The following IPO5 variants were observed in gnomAD, a reference collection of about 807,000 sequenced individuals.
IPO5 encodes the protein importin-5.
Under a neutral mutation model 143.3 loss-of-function variants are expected in IPO5, and 18 were observed. The observed-to-expected ratio is 0.13, with a 90% confidence interval of 0.09 to 0.19. The LOEUF is 0.19. IPO5 is among the 10% of genes least tolerant of loss of function. IPO5 has a pLI of 1.00. For synonymous variants in IPO5, 477 were observed against 465.7 expected (o/e 1.02, Z -0.31); for missense variants, 1,013 against 1,336.9 (o/e 0.76, Z 3.78).
intron 6 of IPO5, 92 bp downstream of exon 6, chr13:97,985,705 A>G: frequency 2.4e-6 from 2 of 841,078 alleles, no homozygotes; most frequent in Non-Finnish European, 3.9e-6. Context: ...TAAGATTCAT[A>G]AGTACCTGAG....
rs755155237 is a variant in IPO5 at position 97,989,045 on chromosome 13, G to A, written c.365-17G>A. On this transcript the variant is annotated splice_polypyrimidine_tract_variant and intron_variant, in intron 6 of 28. Transcript: ENST00000651721. ...TCTGACTTACACAACTTTATGTCTGGATTTCTTTACTTTCAGATGAGGATG... is the reference window on the plus strand; with the variant it reads ...TCTGACTTACACAACTTTATGTCTGAATTTCTTTACTTTCAGATGAGGATG... 2.2e-5 allele frequency: 33 copies of A among 1,490,598 alleles called. No homozygotes were observed. The highest frequency in any genetic ancestry group is 3.4e-5 in the Admixed American group (2 of 59,278). 92.3% of individuals were successfully genotyped at this position (1,490,598 alleles called of 1,614,324 possible). A position where few individuals can be genotyped will look rare whatever the true frequency, so the allele number is the denominator to read the frequency against.
At chr13:98,011,920 A>G (rs571070147) in intron 20 of IPO5, among the ~76,000 whole-genome samples, 1 of 152,172 alleles carries the variant, frequency 6.6e-6, no homozygotes, top group Non-Finnish European at 1.5e-5. Flanking sequence ...ATTTTTCCTC[A>G]ATTAAGTGAT....
At chr13:97,990,382 T>G (rs1887708603) in intron 8 of IPO5, 51 bp from the exon 9 acceptor site, 1 of 1,361,880 alleles carries the variant, frequency 7.3e-7, no homozygotes, top group African/African-American at 1.5e-5. Flanking sequence ...AACTTGAATT[T>G]GCGTTTATCA....
At chr13:97,986,485 A>G (rs1887361543) in intron 6 of IPO5, among the ~76,000 whole-genome samples, 1 of 151,894 alleles carries the variant, frequency 6.6e-6, no homozygotes, top group Non-Finnish European at 1.5e-5. Context: ...CCTACCAAGT[A>G]TCTGGAATTA....
intron 4 of IPO5, among the ~76,000 whole-genome samples, chr13:97,980,892 C>T (rs1886785166): frequency 6.8e-6 from 1 of 148,016 alleles, no homozygotes; most frequent in South Asian, 2.1e-4. Context: ...AAGTGTTAAA[C>T]ATTGATCACA....
chr13:97,979,813 A>G (rs973786328), intron 4 of IPO5: 12 of 446,880 alleles, frequency 2.7e-5, no homozygotes, highest in Non-Finnish European at 4.5e-5. Context: ...GGCATGAGCC[A>G]CCACACCCAG....
rs1053814 is a variant in IPO5, at chr13:97,993,168, C to G, written c.856C>G (p.Leu286Val). The G allele has an allele frequency of 1.2e-6, 2 of 1,613,658 alleles. No homozygotes were observed. The highest frequency in any genetic ancestry group is 1.7e-5 in the Admixed American group (1 of 60,026). The change falls in exon 11 of 29, where the codon CTC becomes GTC. Residue 286 changes from leucine to valine, a missense_variant. This residue lies in a region of IPO5 where 685 missense variants were observed against 994.9 expected (regional missense o/e 0.69). Coordinates refer to ENST00000651721, the MANE Select transcript of IPO5 (RefSeq NM_002271.6). Reference protein sequence around the residue: ...RQLALEVIVTLSETAAAMLRK... With the variant: ...RQLALEVIVTVSETAAAMLRK... Reference sequence around the variant, plus strand: ...GCTTGCCCTTGAAGTGATCGTCACCCTCTCTGAGACTGCAGCTGCTATGTT... The same window carrying G: ...GCTTGCCCTTGAAGTGATCGTCACCGTCTCTGAGACTGCAGCTGCTATGTT...
At chr13:98,014,006 A>C (rs748943173) in intron 21 of IPO5, 36 bp from the exon 22 acceptor site, 78 of 1,579,356 alleles carry the variant, frequency 4.9e-5, no homozygotes, top group Non-Finnish European at 6.4e-5. Flanking sequence ...TAAGCAAAAT[A>C]ATAAACAGTC....
At chr13:97,965,395 A>G (rs2139518127) in intron 2 of IPO5, among the ~76,000 whole-genome samples, 1 of 152,302 alleles carries the variant, frequency 6.6e-6, no homozygotes, top group African/African-American at 2.4e-5. Flanking sequence ...AACAAAGGCA[A>G]TTGGAATTTT....
At chr13:98,000,435 C>G in intron 12 of IPO5, 104 bp from the exon 13 acceptor site, 1 of 707,358 alleles carries the variant, frequency 1.4e-6, no homozygotes, top group South Asian at 2.0e-5. Context: ...AATTCTTTCT[C>G]AGTCTTAGTT....
intron 26 of IPO5, among the ~76,000 whole-genome samples, chr13:98,019,141 A>G (rs1016759721): frequency 6.6e-6 from 1 of 151,830 alleles, no homozygotes; most frequent in African/African-American, 2.4e-5. Context: ...TTTAGTAGAG[A>G]TGGGGTTTCA....
intron 14 of IPO5, 44 bp from the exon 15 acceptor site, chr13:98,002,640 T>G: frequency 6.2e-7 from 1 of 1,607,964 alleles, no homozygotes; most frequent in African/African-American, 1.3e-5. Context: ...TAGCTTCATG[T>G]GGAAACCTTC....
rs1377128347 is a variant in IPO5, at chr13:98,011,095, TAGAA to T, written c.2055+873_2055+876del. Among the ~76,000 whole-genome samples, 12 of 152,268 alleles carry T rather than the reference TAGAA, an allele frequency of 7.9e-5. No individual in the cohort carries two copies. The South Asian group carries it at 2.3e-3, about 29-fold the overall frequency. On this transcript the variant is annotated intron_variant, in intron 20 of 28. Transcript: ENST00000651721. Reference sequence around the variant, plus strand: ...AATACTTACTTTTAAAGTTAGATTTTAGAAATTAATGTATTTCTTATTGTCATCT... The same window carrying T: ...AATACTTACTTTTAAAGTTAGATTTTATTAATGTATTTCTTATTGTCATCT...
chr13:97,994,790 G>A (rs138586967), intron 11 of IPO5, among the ~76,000 whole-genome samples: 1 of 152,136 alleles, frequency 6.6e-6, no homozygotes, highest in African/African-American at 2.4e-5. Flanking sequence ...GAGAAGATCC[G>A]CTCACATGGG....
At position 97,969,780 on chromosome 13, in the gene IPO5, A is replaced by T; in HGVS notation, c.-55A>T. 1 of 1,612,222 alleles carries T rather than the reference A, an allele frequency of 6.2e-7. No homozygotes were observed. The highest frequency in any genetic ancestry group is 1.1e-5 in the South Asian group (1 of 90,858). On this transcript the variant is annotated 5_prime_UTR_variant, in exon 3 of 29. Transcript: ENST00000651721. ...CAGAAAGTACTGCAGCATGTCTTCA[A>T]ATGCCTGAGGATCAAGTTGGAAAAC...
chr13:97,962,812 G>A (rs1301105678), intron 2 of IPO5, among the ~76,000 whole-genome samples: 2 of 147,778 alleles, frequency 1.4e-5, no homozygotes, highest in African/African-American at 5.0e-5. Flanking sequence ...GAGTGAAACT[G>A]TCTCAAAAAA....
At chr13:98,002,810 T>C (rs1252759611) in intron 15 of IPO5, 37 bp downstream of exon 15, 13 of 1,596,024 alleles carry the variant, frequency 8.1e-6, no homozygotes, top group South Asian at 5.7e-5. Context: ...AATCAGACTT[T>C]AGGAAGAAGG....
Position 98,016,859 on chromosome 13 carries a change from T to A in IPO5, c.2616+8T>A, listed in dbSNP as rs375902475. 4.4e-5 allele frequency: 68 copies of A among 1,532,526 alleles called. No homozygotes were observed. Among genetic ancestry groups the A allele is most frequent in the Non-Finnish European group, 5.7e-5 (65 of 1,147,600 alleles). The allele number at this position is 1,532,526 out of a possible 1,614,324, so 94.9% of individuals were successfully genotyped here. A position where few individuals can be genotyped will look rare whatever the true frequency, so the allele number is the denominator to read the frequency against. ...TTAATTGTCAACCTCATTGTAAGTG[T>A]TACCTCTCTTAATAGTTGTTTTGCG... is the stretch of plus-strand genomic sequence containing the variant. On this transcript the variant is annotated splice_region_variant and intron_variant, in intron 25 of 28. Transcript: ENST00000651721.
chr13:97,988,927 A>C (rs1046974938), intron 6 of IPO5, 135 bp from the exon 7 acceptor site: 11 of 496,502 alleles, frequency 2.2e-5, no homozygotes, highest in Non-Finnish European at 3.9e-5. Flanking sequence ...AATTTTGTGG[A>C]GTTTTTAAAA....
Sources: allele counts gnomAD v4.1 joint callset (sites outside exome capture counted in the v4.1 genomes callset), GRCh38; gene constraint gnomAD v4.1.1; regional missense constraint gnomAD v4.1.1; transcripts MANE v1.5; gene names NCBI Gene and HGNC (gene_info 2026-07-23, HGNC 2026-07-21).